Variants in LDHAL6A observed in about 807,000 individuals in gnomAD.
The protein encoded by LDHAL6A is lactate dehydrogenase A like 6A, also known as L-lactate dehydrogenase A-like 6A.
A neutral mutation model predicts 28.2 loss-of-function variants in LDHAL6A; 19 were observed. That is an observed-to-expected ratio of 0.67 (90% CI 0.47 to 0.99). The LOEUF (loss-of-function observed/expected upper bound fraction) is 0.99, where lower values mean the gene tolerates loss of function less well. Ranked by LOEUF, LDHAL6A falls within the 50% of genes least tolerant of loss-of-function variation. The pLI is 0.00. For missense variants in LDHAL6A, 372 were observed against 398.6 expected (o/e 0.93, Z 0.57); for synonymous variants, 144 against 134.4 (o/e 1.07, Z -0.49).
chr11:18,472,189 G>A (rs896176832), intron 3 of LDHAL6A, among the ~76,000 whole-genome samples: 5 of 152,164 alleles, frequency 3.3e-5, no homozygotes, highest in African/African-American at 1.2e-4. Context: ...CAATCCCCTT[G>A]AGTTTCAGTG....
chr11:18,467,990 T>C lies in LDHAL6A; in HGVS notation c.418+2180T>C, dbSNP rs374846528. On this transcript the variant is annotated intron_variant, in intron 3 of 6. Transcript: ENST00000280706. The stretch of plus-strand genomic sequence containing the variant: ...ATACGTATATATATACGTATATATA[T>C]GCATATATATACGTATATATATACA... 1.1e-3 allele frequency among the ~76,000 whole-genome samples: 45 copies of C among 42,088 alleles called. 3 individuals are homozygous for C. Among genetic ancestry groups the C allele is most frequent in the East Asian group, 3.5e-3 (3 of 864 alleles). The allele number at this position is 42,088 out of a possible 152,430, so 27.6% of individuals were successfully genotyped here.
chr11:18,472,349 G>C lies in LDHAL6A; in HGVS notation c.419-3117G>C, dbSNP rs577929518. Among the ~76,000 whole-genome samples, 15 of 152,308 alleles carry C rather than the reference G, an allele frequency of 9.8e-5. No homozygotes were observed. The South Asian group carries it at 3.1e-3, about 32-fold the overall frequency. On this transcript the variant is annotated intron_variant, in intron 3 of 6. Coordinates refer to ENST00000280706, the MANE Select transcript of LDHAL6A (RefSeq NM_144972.5). Reference sequence around the variant, plus strand: ...TGCTTACCATTTAAAATAGTGGTATGATCAGACTGTTTCAGTATCACTTTT... The same window carrying C: ...TGCTTACCATTTAAAATAGTGGTATCATCAGACTGTTTCAGTATCACTTTT...
intron 1 of LDHAL6A, among the ~76,000 whole-genome samples, chr11:18,460,052 G>A (rs1169857517): frequency 1.3e-5 from 2 of 152,192 alleles, no homozygotes; most frequent in East Asian, 3.8e-4. Context: ...TTGTAATGCA[G>A]CTTAGACTTC....
At chr11:18,476,264 A>G in intron 4 of LDHAL6A, 120 bp from the exon 5 acceptor site, 3 of 1,124,730 alleles carry the variant, frequency 2.7e-6, no homozygotes, top group East Asian at 2.6e-5. Flanking sequence ...TGGGGCTCAG[A>G]TATCGGAACA....
rs371016654 is a variant in LDHAL6A, at chr11:18,475,686, A to G, written c.592+47A>G. 11 of 1,497,602 alleles carry G rather than the reference A, an allele frequency of 7.3e-6. No homozygotes were observed. The Admixed American group carries it at 1.2e-4, about 17-fold the overall frequency. The allele number at this position is 1,497,602 out of a possible 1,614,324, so 92.8% of individuals were successfully genotyped here. ...GCCTCTGAAATATCTATTTCCTATC[A>G]ATCATACAGACATTTAATGTAAAGT... On this transcript the variant is annotated intron_variant, in intron 4 of 6. Transcript: ENST00000280706.
intron 1 of LDHAL6A, among the ~76,000 whole-genome samples, chr11:18,463,056 G>A (rs1743680540): frequency 6.6e-6 from 1 of 151,708 alleles, no homozygotes; most frequent in Admixed American, 6.6e-5. Flanking sequence ...GGTAATAACT[G>A]TCTGATTATA....
At chr11:18,457,474 A>G (rs937455407) in intron 1 of LDHAL6A, among the ~76,000 whole-genome samples, 3 of 152,030 alleles carry the variant, frequency 2.0e-5, no homozygotes, top group Admixed American at 1.3e-4. Context: ...CATCTTTTAT[A>G]TAACCTTTAA....
At chr11:18,462,251 A>G (rs978348299) in intron 1 of LDHAL6A, among the ~76,000 whole-genome samples, 3 of 151,870 alleles carry the variant, frequency 2.0e-5, no homozygotes, top group Non-Finnish European at 2.9e-5. Flanking sequence ...CTGTAATCCC[A>G]TCACTTTGAG....
rs1413713216 is a variant in LDHAL6A, at chr11:18,456,605, T to G, written c.-76T>G. 1 of 1,438,036 alleles carries G rather than the reference T, an allele frequency of 7.0e-7. No individual in the cohort carries two copies. Among genetic ancestry groups the G allele is most frequent in the East Asian group, 2.3e-5 (1 of 43,702 alleles). The allele number at this position is 1,438,036 out of a possible 1,614,324, so 89.1% of individuals were successfully genotyped here. A position where few individuals can be genotyped will look rare whatever the true frequency, so the allele number is the denominator to read the frequency against. On this transcript the variant is annotated 5_prime_UTR_variant, in exon 1 of 7. Transcript: ENST00000280706. Reference sequence around the variant, plus strand: ...TCTATACGCGCTCTCACCGCAGGTCTTGGAATTCCAAGCCATTTCCAATTC... The same window carrying G: ...TCTATACGCGCTCTCACCGCAGGTCGTGGAATTCCAAGCCATTTCCAATTC...
intron 4 of LDHAL6A, chr11:18,475,842 A>G (rs778161467): frequency 3.8e-5 from 18 of 477,422 alleles, no homozygotes; most frequent in Non-Finnish European, 6.2e-5. Context: ...TGATACTATA[A>G]TCCTACATAT....
Position 18,477,721 on chromosome 11 carries a change from A to G in LDHAL6A, c.812A>G (p.His271Arg), listed in dbSNP as rs2133893774. The G allele has an allele frequency of 1.2e-6, 2 of 1,610,416 alleles. No homozygotes were observed. Among genetic ancestry groups the G allele is most frequent in the Non-Finnish European group, 1.7e-6 (2 of 1,178,856 alleles). Residue 271 changes from histidine (H) to arginine (R), a missense_variant, in exon 6 of 7, where the codon CAT (histidine) becomes CGT (arginine). Around this residue, in one of 3 missense-constraint regions of LDHAL6A, gnomAD observed 291 missense variants for 302.9 expected, o/e 0.96. Transcript: ENST00000280706. ...ESILKNLRRV[H>R]PVSTLSKGLY... ...ATTTTGAAGAATCTTAGGAGAGTGC[A>G]TCCAGTTTCTACCCTAAGTAAGGTA...
intron 3 of LDHAL6A, among the ~76,000 whole-genome samples, chr11:18,469,998 G>A (rs925319167): frequency 1.3e-5 from 2 of 151,896 alleles, no homozygotes; most frequent in African/African-American, 2.4e-5. Context: ...ATGCAATATC[G>A]GCTCACTGCA....
intron 1 of LDHAL6A, among the ~76,000 whole-genome samples, chr11:18,462,409 G>A (rs1208364653): frequency 2.0e-5 from 3 of 151,688 alleles, no homozygotes; most frequent in Non-Finnish European, 4.4e-5. Flanking sequence ...AGGCAGAGGC[G>A]GGCGGATCAC....
chr11:18,478,566 AAAAG>A (rs1040028591), intron 6 of LDHAL6A, 136 bp from the exon 7 acceptor site: 16 of 645,394 alleles, frequency 2.5e-5, no homozygotes, highest in African/African-American at 1.3e-4. Flanking sequence ...TCTCAAAAAA[AAAAG>A]AAAAAAGTTC....
At position 18,464,992 on chromosome 11, in the gene LDHAL6A, G is replaced by GTTTTTTTTTT. The variant is rs1212053975; in HGVS notation, c.245-641_245-640insTTTTTTTTTT. ...TGTTTTTTTTGTTTTTTTTTGTTTTGTTTTGTTTTGGTTTGTTTTTGAGAC... is the reference window on the plus strand; with the variant it reads ...TGTTTTTTTTGTTTTTTTTTGTTTTGTTTTTTTTTTTTTTGTTTTGGTTTGTTTTTGAGAC... On this transcript the variant is annotated intron_variant, in intron 2 of 6. Transcript: ENST00000280706. Among the ~76,000 whole-genome samples, 176 of 119,854 alleles carry GTTTTTTTTTT rather than the reference G, an allele frequency of 1.5e-3. 8 individuals carry two copies. The highest frequency in any genetic ancestry group is 2.3e-3 in the Non-Finnish European group (133 of 57,982). The allele number at this position is 119,854 out of a possible 152,430, so 78.6% of individuals were successfully genotyped here.
rs67628824 is a variant in LDHAL6A, at chr11:18,464,977, G to GTTTTTTTT, written c.245-658_245-651dup. Among the ~76,000 whole-genome samples the GTTTTTTTT allele has an allele frequency of 8.6e-3, 1,078 of 125,190 alleles. 109 individuals carry two copies. The highest frequency in any genetic ancestry group is 0.017 in the Middle Eastern group (4 of 236). 82.1% of individuals were successfully genotyped at this position (125,190 alleles called of 152,430 possible). Reference sequence around the variant, plus strand: ...TTTTAGGAGGTGAGGTGTTTTTTTTGTTTTTTTTTGTTTTGTTTTGTTTTG... The same window carrying GTTTTTTTT: ...TTTTAGGAGGTGAGGTGTTTTTTTTGTTTTTTTTTTTTTTTTTGTTTTGTTTTGTTTTG... On this transcript the variant is annotated intron_variant, in intron 2 of 6. Transcript: ENST00000280706.
chr11:18,473,154 A>C (rs1024871890), intron 3 of LDHAL6A, among the ~76,000 whole-genome samples: 2 of 152,196 alleles, frequency 1.3e-5, no homozygotes. Context: ...TGAAACCCTC[A>C]GAATGTAGAG....
At chr11:18,468,131 C>G (rs1391386519) in intron 3 of LDHAL6A, among the ~76,000 whole-genome samples, 1 of 144,666 alleles carries the variant, frequency 6.9e-6, no homozygotes, top group Non-Finnish European at 1.5e-5. Context: ...ATCAGCTTGT[C>G]AATTTCTGAA....
rs557579646 is a variant in LDHAL6A at position 18,456,510 on chromosome 11, T to G, written c.-171T>G. On this transcript the variant is annotated 5_prime_UTR_variant, in exon 1 of 7. Coordinates refer to ENST00000280706, the MANE Select transcript of LDHAL6A (RefSeq NM_144972.5). ...CTGCCTGGCCAGAACCTACCCAGCTTCTTTGCTGGTCAGATTTGTCGGTCT... is the reference window on the plus strand; with the variant it reads ...CTGCCTGGCCAGAACCTACCCAGCTGCTTTGCTGGTCAGATTTGTCGGTCT... The G allele has an allele frequency of 1.8e-4, 109 of 603,050 alleles. No homozygotes were observed. The African/African-American group carries it at 1.9e-3, about 10-fold the overall frequency. 37.4% of individuals were successfully genotyped at this position (603,050 alleles called of 1,614,324 possible). A position where few individuals can be genotyped will look rare whatever the true frequency, so the allele number is the denominator to read the frequency against.
Sources: allele counts gnomAD v4.1 joint callset (sites outside exome capture counted in the v4.1 genomes callset), GRCh38; gene constraint gnomAD v4.1.1; regional missense constraint gnomAD v4.1.1; transcripts MANE v1.5; gene names NCBI Gene and HGNC (gene_info 2026-07-23, HGNC 2026-07-21).